The following BNC2 variants were observed in gnomAD, a reference collection of about 807,000 sequenced individuals.
BNC2 encodes basonuclin zinc finger protein 2, also known as zinc finger protein basonuclin-2.
A neutral mutation model predicts 76.3 loss-of-function variants in BNC2; 20 were observed. The observed-to-expected ratio is 0.26, with a 90% confidence interval of 0.18 to 0.38. BNC2 has a LOEUF of 0.38. Ranked by LOEUF, BNC2 falls within the 10% of genes least tolerant of loss-of-function variation. The probability of loss-of-function intolerance (pLI) is 1.00; values close to 1 mark genes in which losing one functional copy is unlikely to be tolerated. For synonymous variants in BNC2, 582 were observed against 514.8 expected, an observed-to-expected ratio of 1.13 and a Z score of -1.77; for missense variants, 1,382 against 1,399.8, an observed-to-expected ratio of 0.99 and a Z score of 0.20.
chr9:16,665,462 G>C (rs1464778666), intron 3 of BNC2, among the ~76,000 whole-genome samples: 1 of 141,006 alleles, frequency 7.1e-6, no homozygotes, highest in Non-Finnish European at 1.5e-5. Context: ...AAGAAAGAAA[G>C]AAAGAAAGAA....
chr9:16,453,468 CCTAT>C (rs1821383612), intron 5 of BNC2, among the ~76,000 whole-genome samples: 2 of 152,268 alleles, frequency 1.3e-5, no homozygotes, highest in South Asian at 4.2e-4. Flanking sequence ...GTTTCATATA[CCTAT>C]CTCTTTATAC....
intron 5 of BNC2, among the ~76,000 whole-genome samples, chr9:16,463,294 CTTTTTTTTTTT>C (rs34855187): frequency 9.5e-6 from 1 of 105,606 alleles, no homozygotes; most frequent in East Asian, 2.7e-4. Flanking sequence ...GTATTAAATT[CTTTTTTTTTTT>C]TTTTTTTTTG....
chr9:16,504,113 C>A (rs1263267862), intron 5 of BNC2, among the ~76,000 whole-genome samples: 1 of 152,060 alleles, frequency 6.6e-6, no homozygotes, highest in East Asian at 1.9e-4. Context: ...ATCTTAGCAA[C>A]AGCACCCATT....
At chr9:16,855,804 T>G (rs1819240440) in intron 1 of BNC2, among the ~76,000 whole-genome samples, 1 of 151,942 alleles carries the variant, frequency 6.6e-6, no homozygotes, top group Non-Finnish European at 1.5e-5. Context: ...TGCCTCGGCC[T>G]CCCAAAGTGC....
At chr9:16,624,606 T>C (rs920446317) in intron 3 of BNC2, among the ~76,000 whole-genome samples, 1 of 152,206 alleles carries the variant, frequency 6.6e-6, no homozygotes, top group Non-Finnish European at 1.5e-5. Context: ...ATGACTTTTA[T>C]TGTCTCTGGT....
chr9:16,666,261 T>C (rs1409581959), intron 3 of BNC2, among the ~76,000 whole-genome samples: 3 of 152,226 alleles, frequency 2.0e-5, no homozygotes, highest in Admixed American at 2.0e-4. Context: ...TCTATCTATC[T>C]GATTTTGGTC....
chr9:16,508,993 T>A lies in BNC2; in HGVS notation c.669+43537A>T, dbSNP rs201303267. On this transcript the variant is annotated intron_variant, in intron 5 of 6. Transcript: ENST00000380672. ...ATGCTATCACACCTGGCTGTTTTTT[T>A]AATTATTATTATTTTTAGTAAAGAC... Among the ~76,000 whole-genome samples the A allele has an allele frequency of 3.9e-5, 6 of 152,168 alleles. No individual in the cohort carries two copies. In the East Asian group the frequency reaches 7.7e-4, roughly 20 times the overall value.
At chr9:16,731,308 A>G (rs1195607510) in intron 2 of BNC2, among the ~76,000 whole-genome samples, 1 of 152,250 alleles carries the variant, frequency 6.6e-6, no homozygotes, top group Non-Finnish European at 1.5e-5. Flanking sequence ...TTAAAGAATC[A>G]GAAGTACTTA....
intron 3 of BNC2, among the ~76,000 whole-genome samples, chr9:16,630,213 AT>A (rs1821121592): frequency 6.6e-6 from 1 of 152,242 alleles, no homozygotes; most frequent in South Asian, 2.1e-4. Context: ...TTTTAAAAAA[AT>A]ATTGACTCAT....
At chr9:16,762,539 GACCCAAC>G (rs1825582167) in intron 1 of BNC2, among the ~76,000 whole-genome samples, 1 of 152,160 alleles carries the variant, frequency 6.6e-6, no homozygotes, top group African/African-American at 2.4e-5. Flanking sequence ...CACTTTAGGA[GACCCAAC>G]ACCAACAGCA....
chr9:16,677,316 T>C (rs953304110), intron 3 of BNC2, among the ~76,000 whole-genome samples: 2 of 152,168 alleles, frequency 1.3e-5, no homozygotes, highest in African/African-American at 4.8e-5. Flanking sequence ...CTCACACCTG[T>C]AATCCCAGCA....
chr9:16,455,789 T>A (rs1174850785), intron 5 of BNC2, among the ~76,000 whole-genome samples: 2 of 115,946 alleles, frequency 1.7e-5, no homozygotes, highest in African/African-American at 4.0e-5. Context: ...CAAAACTCCA[T>A]CTCCAAAAAA....
rs111258916 is a variant in BNC2, at chr9:16,799,006, C to G, written c.4-60521G>C. On this transcript the variant is annotated intron_variant, in intron 1 of 6. Coordinates refer to ENST00000380672, the MANE Select transcript of BNC2 (RefSeq NM_017637.6). ...GGGGCTCTGAGAGTCATACAAACAT[C>G]AACAAGCCTGTAGTTTTTATGGCTC... is the stretch of plus-strand genomic sequence containing the variant. Among the ~76,000 whole-genome samples, 1,363 of 152,266 alleles carry G rather than the reference C, an allele frequency of 9.0e-3. 17 individuals are homozygous for G. The highest frequency in any genetic ancestry group is 0.031 in the African/African-American group (1,294 of 41,560).
At chr9:16,420,208 T>G (rs1033657877) in intron 6 of BNC2, among the ~76,000 whole-genome samples, 4 of 152,200 alleles carry the variant, frequency 2.6e-5, no homozygotes, top group Non-Finnish European at 4.4e-5. Context: ...CTTCCGTCTC[T>G]ACCCTCCACA....
chr9:16,759,612 A>C (rs1318804837), intron 1 of BNC2, among the ~76,000 whole-genome samples: 1 of 152,202 alleles, frequency 6.6e-6, no homozygotes, highest in East Asian at 1.9e-4. Context: ...ATTTATATAT[A>C]ATTCCATTTT....
At chr9:16,476,947 T>A (rs7860831) in intron 5 of BNC2, among the ~76,000 whole-genome samples, 1 of 151,660 alleles carries the variant, frequency 6.6e-6, no homozygotes, top group Non-Finnish European at 1.5e-5. Context: ...GCAGGGAGGG[T>A]GTCAGAAGTA....
chr9:16,729,204 G>C (rs1231578753), intron 2 of BNC2, among the ~76,000 whole-genome samples: 1 of 152,118 alleles, frequency 6.6e-6, no homozygotes, highest in Non-Finnish European at 1.5e-5. Flanking sequence ...AAAATGCACT[G>C]TACATAAACA....
At chr9:16,424,648 TG>T (rs1820771503) in intron 6 of BNC2, among the ~76,000 whole-genome samples, 1 of 152,164 alleles carries the variant, frequency 6.6e-6, no homozygotes, top group South Asian at 2.1e-4. Context: ...TATATGTATA[TG>T]GGGAGAATGG....
intron 6 of BNC2, chr9:16,431,496 G>C: frequency 2.1e-6 from 1 of 469,622 alleles, no homozygotes; most frequent in South Asian, 1.6e-5. Context: ...TCCTAGGAAA[G>C]ATTTCATATG....
Sources: gnomAD v4.1 joint callset for allele counts (sites outside exome capture counted in the v4.1 genomes callset) on GRCh38, gnomAD v4.1.1 for gene constraint, MANE v1.5 for transcripts, NCBI Gene and HGNC (gene_info 2026-07-23, HGNC 2026-07-21) for gene names.